EEF1A2: variants seen among roughly 807,000 people sequenced by gnomAD.
EEF1A2 encodes elongation factor 1-alpha 2.
A neutral mutation model predicts 39.3 loss-of-function variants in EEF1A2; 5 were observed. That is an observed-to-expected ratio of 0.13 (90% CI 0.07 to 0.27). The LOEUF is 0.27. Ranked by LOEUF, EEF1A2 falls within the 10% of genes least tolerant of loss-of-function variation. The probability of loss-of-function intolerance (pLI) is 1.00; values close to 1 mark genes in which losing one functional copy is unlikely to be tolerated. For missense variants in EEF1A2, 218 were observed against 681.4 expected, an observed-to-expected ratio of 0.32 and a Z score of 7.57; for synonymous variants, 287 against 293.7, an observed-to-expected ratio of 0.98 and a Z score of 0.23.
At chr20:63,495,792 C>T in intron 3 of EEF1A2, 64 bp downstream of exon 3, 1 of 1,575,578 alleles carries the variant, frequency 6.3e-7, no homozygotes. Flanking sequence ...CCCCAGGGGC[C>T]CCCAGTGTCC....
chr20:63,492,829 A>AATGGATGG (rs55637832), intron 5 of EEF1A2, among the ~76,000 whole-genome samples: 4 of 62,540 alleles, frequency 6.4e-5, no homozygotes, highest in Admixed American at 1.2e-4. Flanking sequence ...TGGATGGGAC[A>AATGGATGG]ATGGATGGAT....
At chr20:63,490,906 G>A (rs1036758224) in intron 5 of EEF1A2, among the ~76,000 whole-genome samples, 171 bp from the exon 6 acceptor site, 1 of 83,914 alleles carries the variant, frequency 1.2e-5, no homozygotes, top group Non-Finnish European at 3.2e-5. Flanking sequence ...CAGGGACAAG[G>A]GCAGACACAG....
rs1568997963 is a variant in EEF1A2, at chr20:63,497,577, G to T, written c.144+43C>A. The T allele has an allele frequency of 2.5e-6, 4 of 1,586,060 alleles. No homozygotes were observed. Among genetic ancestry groups the T allele is most frequent in the African/African-American group, 2.7e-5 (2 of 74,436 alleles). ...AAGCCTGGCCACCACGGGAGTTGGG[G>T]GTTCCTTCTCAGGGGGCCAAGACCA... On this transcript the variant is annotated intron_variant, in intron 2 of 7. Transcript: ENST00000217182. The surrounding 1 kb of genome is among the most constrained non-coding windows in gnomAD (Gnocchi z 7.3).
Position 63,497,815 on chromosome 20 carries a change from C to T in EEF1A2, c.-52G>A, listed in dbSNP as rs539410205. On this transcript the variant is annotated 5_prime_UTR_variant, in exon 2 of 8. Coordinates refer to ENST00000217182, the MANE Select transcript of EEF1A2 (RefSeq NM_001958.5). This position sits in a 1 kb window ranked among gnomAD's most constrained non-coding sequence, Gnocchi z 7.3. ...GGACCCGGGGTGCTCTGGCTCAGGG[C>T]GAGGGGGGCTGCAGTGATTCTGTGG... The T allele has an allele frequency of 3.8e-5, 60 of 1,582,528 alleles. No individual in the cohort carries two copies. The highest frequency in any genetic ancestry group is 1.8e-4 in the African/African-American group (13 of 74,276).
Position 63,490,559 on chromosome 20 carries a change from C to T in EEF1A2, c.949G>A (p.Val317Met). The T allele has an allele frequency of 6.2e-7, 1 of 1,612,812 alleles. No homozygotes were observed. Among genetic ancestry groups the T allele is most frequent in the Non-Finnish European group, 8.5e-7 (1 of 1,179,962 alleles). The stretch of plus-strand genomic sequence containing the variant: ...ACGTTGCCCCGCCGGATGTCCTTCA[C>T]CGACACGTTCTTCACATTGAAGCCG... ...NVGFNVKNVS[V>M]KDIRRGNVCG... is the part of the protein sequence containing the mutation. The change falls in exon 6 of 8, where the codon GTG (valine) becomes ATG (methionine). Residue 317 changes from valine to methionine, a missense_variant. Transcript: ENST00000217182.
intron 5 of EEF1A2, among the ~76,000 whole-genome samples, chr20:63,492,922 G>T (rs1446966138): frequency 7.4e-6 from 1 of 134,844 alleles, no homozygotes; most frequent in Non-Finnish European, 1.6e-5. Flanking sequence ...GGATGGAGAG[G>T]TGGATAGATG....
intron 3 of EEF1A2, among the ~76,000 whole-genome samples, chr20:63,495,322 C>T (rs2145945142): frequency 6.6e-6 from 1 of 152,356 alleles, no homozygotes; most frequent in Admixed American, 6.5e-5. Context: ...GCCCTGGCTC[C>T]ACCACCAGTG....
rs781157708 is a variant in EEF1A2, at chr20:63,497,651, G to A, written c.113C>T (p.Thr38Ile). The A allele has an allele frequency of 6.2e-6, 10 of 1,613,068 alleles. No individual in the cohort carries two copies. In the Admixed American group the frequency reaches 1.7e-4, roughly 27 times the overall value. ...CGCCTCCTTCTCGAACTTCTCAATG[G>A]TCCTTTTGTCAATACCTCCGCATTT... Reference protein sequence around the residue: ...IYKCGGIDKRTIEKFEKEAAE... With the variant: ...IYKCGGIDKRIIEKFEKEAAE... The change falls in exon 2 of 8, where the codon ACC (threonine) becomes ATC (isoleucine). Residue 38 changes from threonine to isoleucine, a missense_variant. This residue lies in a region of EEF1A2 where 28 missense variants were observed against 156.2 expected (regional missense o/e 0.18). Transcript: ENST00000217182. This position sits in a 1 kb window ranked among gnomAD's most constrained non-coding sequence, Gnocchi z 7.3.
At chr20:63,491,182 G>GCCCTGCT (rs1472714066) in intron 5 of EEF1A2, among the ~76,000 whole-genome samples, 1 of 67,260 alleles carries the variant, frequency 1.5e-5, no homozygotes, top group South Asian at 3.0e-4. Flanking sequence ...GGGCCTGGTG[G>GCCCTGCT]CCCTGCTCCC....
Position 63,493,015 on chromosome 20 carries a change from G to C in EEF1A2, c.772+122C>G, listed in dbSNP as rs985925899. The C allele has an allele frequency of 3.7e-6, 5 of 1,339,548 alleles. No individual in the cohort carries two copies. The African/African-American group carries it at 7.4e-5, about 20-fold the overall frequency. The allele number at this position is 1,339,548 out of a possible 1,614,324, so 83.0% of individuals were successfully genotyped here. A position where few individuals can be genotyped will look rare whatever the true frequency, so the allele number is the denominator to read the frequency against. On this transcript the variant is annotated intron_variant, in intron 5 of 7. Transcript: ENST00000217182. Reference sequence around the variant, plus strand: ...TGGATGTGGGATGGACTGTCCCACAGAAAGTGTGTGGTAAGGGGAGAGATT... The same window carrying C: ...TGGATGTGGGATGGACTGTCCCACACAAAGTGTGTGGTAAGGGGAGAGATT...
rs751629350 is a variant in EEF1A2, at chr20:63,488,988, G to A, written c.1194C>T (p.Asp398=). Residue 398 remains aspartate (D), a synonymous_variant, in exon 7 of 8, where the codon GAC becomes GAT. Transcript: ENST00000217182. The part of the protein sequence containing the change: ...EDNPKSLKSG[D]AAIVEMVPGK... ...CCGGCACCATCTCCACGATGGCCGC[G>A]TCTCCAGACTTCAGGGACTTGGGGT... is the stretch of plus-strand genomic sequence containing the variant. 3 of 1,612,674 alleles carry A rather than the reference G, an allele frequency of 1.9e-6. No homozygotes were observed. The highest frequency in any genetic ancestry group is 1.1e-5 in the South Asian group (1 of 91,086).
rs770611931 is a variant in EEF1A2, at chr20:63,489,119, C to T, written c.1063G>A (p.Ala355Thr). ...CAGTCGATGACCGGGGAGTAGCCGGCGCTAATCTGCCCCGGGTGGTTCAGG... is the reference window on the plus strand; with the variant it reads ...CAGTCGATGACCGGGGAGTAGCCGGTGCTAATCTGCCCCGGGTGGTTCAGG... ...IILNHPGQIS[A>T]GYSPVIDCHT... The change falls in exon 7 of 8, where the codon GCC (alanine) becomes ACC (threonine). Residue 355 changes from alanine to threonine, a missense_variant. Around this residue, in one of 4 missense-constraint regions of EEF1A2, gnomAD observed 80 missense variants for 295.9 expected, o/e 0.27. Coordinates refer to ENST00000217182, the MANE Select transcript of EEF1A2 (RefSeq NM_001958.5). 2 of 1,612,724 alleles carry T rather than the reference C, an allele frequency of 1.2e-6. No homozygotes were observed. The highest frequency in any genetic ancestry group is 2.2e-5 in the East Asian group (1 of 44,888).
chr20:63,489,378 C>T (rs1332102491), intron 6 of EEF1A2, among the ~76,000 whole-genome samples: 1 of 152,190 alleles, frequency 6.6e-6, no homozygotes, highest in African/African-American at 2.4e-5. Flanking sequence ...TTCGAAGGGG[C>T]AGGGGCAGCA....
rs370076840 is a variant in EEF1A2, at chr20:63,490,596, G to C, written c.912C>G (p.Pro304=). 2 of 1,612,768 alleles carry C rather than the reference G, an allele frequency of 1.2e-6. No homozygotes were observed. Among genetic ancestry groups the C allele is most frequent in the Non-Finnish European group, 1.7e-6 (2 of 1,179,952 alleles). Residue 304 remains proline, a synonymous_variant, in exon 6 of 8, where the codon CCC becomes CCG. Transcript: ENST00000217182. ...MHHEALSEAL[P]GDNVGFNVKN... ...TCACATTGAAGCCGACGTTGTCGCC[G>C]GGCAGAGCTTCGCTCAGAGCCTCGT...
At chr20:63,490,850 G>T in intron 5 of EEF1A2, 115 bp from the exon 6 acceptor site, 1 of 1,317,832 alleles carries the variant, frequency 7.6e-7, no homozygotes, top group Non-Finnish European at 1.0e-6. Context: ...CCCCCGACAG[G>T]CCTGGGGGTT....
In EEF1A2 at chr20:63,488,186, C is replaced by A. The variant is rs1205617233; in HGVS notation, c.*112G>T. ...AGCGGAGGTGCAGACATGCGCCTGGCGGGGGTGCGGGGCGCCGGACCGGCG... is the reference window on the plus strand; with the variant it reads ...AGCGGAGGTGCAGACATGCGCCTGGAGGGGGTGCGGGGCGCCGGACCGGCG... On this transcript the variant is annotated 3_prime_UTR_variant, in exon 8 of 8. Coordinates refer to ENST00000217182, the MANE Select transcript of EEF1A2 (RefSeq NM_001958.5). 1 of 579,682 alleles carries A rather than the reference C, an allele frequency of 1.7e-6. No individual in the cohort carries two copies. Among genetic ancestry groups the A allele is most frequent in the African/African-American group, 4.4e-5 (1 of 22,784 alleles). 35.9% of individuals were successfully genotyped at this position (579,682 alleles called of 1,614,324 possible).
chr20:63,488,328 C>T lies in EEF1A2; in HGVS notation c.1362G>A (p.Ser454=). 2 of 1,450,262 alleles carry T rather than the reference C, an allele frequency of 1.4e-6. No homozygotes were observed. Among genetic ancestry groups the T allele is most frequent in the Non-Finnish European group, 1.8e-6 (2 of 1,100,186 alleles). 89.8% of individuals were successfully genotyped at this position (1,450,262 alleles called of 1,614,324 possible). ...TGCCCGCCTTCTGCGCCTTCTGCGC[C>T]GACTTGGTGACCTTGCCGGCGCCGC... is the stretch of plus-strand genomic sequence containing the variant. The part of the protein sequence containing the change: ...KSGGAGKVTK[S]AQKAQKAGK The change falls in exon 8 of 8, where the codon TCG becomes TCA. Residue 454 remains serine, a synonymous_variant. Transcript: ENST00000217182.
At chr20:63,496,125 C>G in intron 2 of EEF1A2, 90 bp from the exon 3 acceptor site, 1 of 1,485,562 alleles carries the variant, frequency 6.7e-7, no homozygotes, top group South Asian at 1.2e-5. Context: ...AGAGTGGCCG[C>G]GAGAGGCGGG....
At position 63,490,224 on chromosome 20, in the gene EEF1A2, G is replaced by A. The variant is rs547450062; in HGVS notation, c.1029+255C>T. ...TGGGACTACAGGCACGTGCCACCAC[G>A]CCTGGCTAATTTTTGTATTTTTAGT... On this transcript the variant is annotated intron_variant, in intron 6 of 7. Transcript: ENST00000217182. 25 of 408,228 alleles carry A rather than the reference G, an allele frequency of 6.1e-5. No individual in the cohort carries two copies. In the East Asian group the frequency reaches 7.5e-4, roughly 12 times the overall value. The allele number at this position is 408,228 out of a possible 1,614,324, so 25.3% of individuals were successfully genotyped here. A position where few individuals can be genotyped will look rare whatever the true frequency, so the allele number is the denominator to read the frequency against.
Sources: allele counts gnomAD v4.1 joint callset (sites outside exome capture counted in the v4.1 genomes callset), GRCh38; gene constraint gnomAD v4.1.1; regional missense constraint gnomAD v4.1.1; non-coding constraint Gnocchi (gnomAD v3.1); transcripts MANE v1.5; gene names NCBI Gene and HGNC (gene_info 2026-07-23, HGNC 2026-07-21).